CACNA2D1: variants seen among roughly 807,000 people sequenced by gnomAD.
The protein encoded by CACNA2D1 is voltage-dependent calcium channel subunit alpha-2/delta-1.
Under a neutral mutation model 171.5 loss-of-function variants are expected in CACNA2D1, and 53 were observed. That is an observed-to-expected ratio of 0.31 (90% confidence interval 0.25 to 0.39). The LOEUF (loss-of-function observed/expected upper bound fraction) is 0.39. Ranked by LOEUF, CACNA2D1 falls within the 10% of genes least tolerant of loss-of-function variation. The probability of loss-of-function intolerance (pLI) is 1.00; values close to 1 mark genes in which losing one functional copy is unlikely to be tolerated. For synonymous variants in CACNA2D1, 442 were observed against 443.1 expected, an observed-to-expected ratio of 1.00 and a Z score of 0.03; for missense variants, 903 against 1,299.8, an observed-to-expected ratio of 0.69 and a Z score of 4.69.
rs190943981 is a variant in CACNA2D1 at position 82,398,365 on chromosome 7, T to A, written c.95+45000A>T. The stretch of plus-strand genomic sequence containing the variant: ...CATTCAGGAATGTGTAGCAACAGAA[T>A]TCTCAAATCAGAAAAAAGAATGAGT... On this transcript the variant is annotated intron_variant, in intron 1 of 38. Coordinates refer to ENST00000356860, the MANE Select transcript of CACNA2D1 (RefSeq NM_000722.4). Among the ~76,000 whole-genome samples, 3 of 152,308 alleles carry A rather than the reference T, an allele frequency of 2.0e-5. No homozygotes were observed. In the East Asian group the frequency reaches 5.8e-4, roughly 29 times the overall value.
chr7:82,374,104 T>C (rs1228917947), intron 1 of CACNA2D1, among the ~76,000 whole-genome samples: 1 of 152,192 alleles, frequency 6.6e-6, no homozygotes. Flanking sequence ...AGTTCCAATA[T>C]AGCTTACTTG....
chr7:82,259,285 T>C (rs1433698804), intron 3 of CACNA2D1, among the ~76,000 whole-genome samples: 1 of 152,218 alleles, frequency 6.6e-6, no homozygotes, highest in Non-Finnish European at 1.5e-5. Flanking sequence ...TCAGCTTGTA[T>C]CCAAGAAAGA....
chr7:82,061,307 T>C (rs1806882013), intron 9 of CACNA2D1, among the ~76,000 whole-genome samples: 1 of 152,166 alleles, frequency 6.6e-6, no homozygotes, highest in African/African-American at 2.4e-5. Flanking sequence ...CAAAATCCCT[T>C]ATTCATTCCA....
At chr7:82,060,177 TAATA>T (rs1806532855) in intron 10 of CACNA2D1, among the ~76,000 whole-genome samples, 1 of 16,042 alleles carries the variant, frequency 6.2e-5, no homozygotes, top group African/African-American at 1.7e-4. Context: ...TATATATATA[TAATA>T]TATATATATT....
At chr7:82,301,561 G>C (rs1033434238) in intron 3 of CACNA2D1, among the ~76,000 whole-genome samples, 1 of 152,112 alleles carries the variant, frequency 6.6e-6, no homozygotes, top group Non-Finnish European at 1.5e-5. Flanking sequence ...CGAAAAAAGA[G>C]TTGTTAAGAG....
intron 10 of CACNA2D1, among the ~76,000 whole-genome samples, chr7:82,056,226 T>C (rs1230500261): frequency 6.6e-6 from 1 of 151,974 alleles, no homozygotes; most frequent in Non-Finnish European, 1.5e-5. Flanking sequence ...GGAAAATAAG[T>C]AACCTACAAT....
intron 6 of CACNA2D1, among the ~76,000 whole-genome samples, chr7:82,100,881 G>T (rs1812600294): frequency 6.6e-6 from 1 of 151,166 alleles, no homozygotes; most frequent in South Asian, 2.1e-4. Flanking sequence ...GTAGAGCTTA[G>T]AAATGTTTAA....
At chr7:82,103,963 G>T (rs1041533855) in intron 6 of CACNA2D1, among the ~76,000 whole-genome samples, 14 of 151,802 alleles carry the variant, frequency 9.2e-5, no homozygotes, top group Admixed American at 9.2e-4. Flanking sequence ...TTCATAACTT[G>T]AAGGCCATCA....
intron 11 of CACNA2D1, among the ~76,000 whole-genome samples, chr7:82,035,176 T>G (rs1263539176): frequency 6.6e-6 from 1 of 152,128 alleles, no homozygotes; most frequent in Non-Finnish European, 1.5e-5. Flanking sequence ...ATCTATCATA[T>G]ATACACTCTA....
intron 3 of CACNA2D1, among the ~76,000 whole-genome samples, chr7:82,306,391 T>A (rs1364006431): frequency 6.6e-6 from 1 of 152,194 alleles, no homozygotes. Flanking sequence ...GAAGGGGATT[T>A]TGCTGTCTCA....
rs1295499584 is a variant in CACNA2D1, at chr7:82,066,650, TGA to T, written c.659-128_659-127del. On this transcript the variant is annotated intron_variant, in intron 7 of 38. Coordinates refer to ENST00000356860, the MANE Select transcript of CACNA2D1 (RefSeq NM_000722.4). ...TCACTTACGTACTTCAATGTTCAAA[TGA>T]GAGATATCATTTTTAAGCCCTTATA... 6 of 1,363,180 alleles carry T rather than the reference TGA, an allele frequency of 4.4e-6. No individual in the cohort carries two copies. In the African/African-American group the frequency reaches 8.9e-5, roughly 20 times the overall value. 84.4% of individuals were successfully genotyped at this position (1,363,180 alleles called of 1,614,324 possible).
chr7:81,963,689 A>T (rs1053454034), intron 34 of CACNA2D1, among the ~76,000 whole-genome samples: 1 of 152,012 alleles, frequency 6.6e-6, no homozygotes, highest in Non-Finnish European at 1.5e-5. Flanking sequence ...TCCAACTGGG[A>T]TATTAAAGAC....
chr7:82,202,468 G>T (rs1799548279), intron 3 of CACNA2D1, among the ~76,000 whole-genome samples: 1 of 152,138 alleles, frequency 6.6e-6, no homozygotes, highest in Non-Finnish European at 1.5e-5. Flanking sequence ...TTACTGCTCG[G>T]ATGGGATCCA....
chr7:82,053,254 A>AAT (rs1805422974), intron 10 of CACNA2D1, among the ~76,000 whole-genome samples: 1 of 150,800 alleles, frequency 6.6e-6, no homozygotes, highest in Non-Finnish European at 1.5e-5. Flanking sequence ...TCCGTCTCAA[A>AAT]AAAAAAAAAA....
chr7:81,999,035 T>C (rs1237271967), intron 18 of CACNA2D1, among the ~76,000 whole-genome samples: 2 of 151,882 alleles, frequency 1.3e-5, no homozygotes. Flanking sequence ...GTCAAAATAA[T>C]GAAAATAATA....
At chr7:82,404,244 G>A (rs1362968337) in intron 1 of CACNA2D1, among the ~76,000 whole-genome samples, 1 of 152,088 alleles carries the variant, frequency 6.6e-6, no homozygotes, top group Non-Finnish European at 1.5e-5. Flanking sequence ...TCACCTGCAG[G>A]AAACTTCTGG....
At position 82,102,168 on chromosome 7, in the gene CACNA2D1, G is replaced by A. The variant is rs73381525; in HGVS notation, c.526+14876C>T. ...GGATAGAAGATTGAAAATAAGAGAA[G>A]GGAAGTAACAGTTCTATTGTGCAGC... is the stretch of plus-strand genomic sequence containing the variant. On this transcript the variant is annotated intron_variant, in intron 6 of 38. Transcript: ENST00000356860. Among the ~76,000 whole-genome samples, 478 of 152,040 alleles carry A rather than the reference G, an allele frequency of 3.1e-3. 5 individuals carry two copies. The highest frequency in any genetic ancestry group is 0.024 in the South Asian group (115 of 4,808).
intron 11 of CACNA2D1, 44 bp downstream of exon 11, chr7:82,038,033 C>T (rs1288627058): frequency 8.2e-6 from 13 of 1,591,638 alleles, no homozygotes; most frequent in Non-Finnish European, 1.1e-5. Flanking sequence ...TCAGATACTA[C>T]AATTGAACAA....
chr7:82,356,182 T>G (rs191821764), intron 1 of CACNA2D1, among the ~76,000 whole-genome samples: 22 of 152,270 alleles, frequency 1.4e-4, no homozygotes, highest in Admixed American at 2.6e-4. Flanking sequence ...TCATAAAAAC[T>G]AGGGTTCGTC....
Sources: allele counts gnomAD v4.1 joint callset (sites outside exome capture counted in the v4.1 genomes callset), GRCh38; gene constraint gnomAD v4.1.1; transcripts MANE v1.5; gene names NCBI Gene and HGNC (gene_info 2026-07-23, HGNC 2026-07-21).